The following KIF15 variants were observed in gnomAD, a reference collection of about 807,000 sequenced individuals.
KIF15 encodes kinesin-like protein KIF15.
KIF15 carries 140 observed loss-of-function variants against 190.6 expected under a neutral mutation model. The ratio of observed to expected loss-of-function variants is 0.73; its 90% CI spans 0.64 to 0.84. The LOEUF (loss-of-function observed/expected upper bound fraction) is 0.84. KIF15 is among the 40% of genes least tolerant of loss of function. The pLI is 0.00. For synonymous variants in KIF15, 528 were observed against 551.3 expected, an observed-to-expected ratio of 0.96 and a Z score of 0.59; for missense variants, 1,372 against 1,584.4, an observed-to-expected ratio of 0.87 and a Z score of 2.28.
At chr3:44,868,037 G>C (rs571817931) in intron 6 of KIF15, among the ~76,000 whole-genome samples, 1 of 152,012 alleles carries the variant, frequency 6.6e-6, no homozygotes. Flanking sequence ...CAAAGTTTTC[G>C]ACCATTACCG....
At chr3:44,773,483 T>G (rs1705733006) in intron 1 of KIF15, among the ~76,000 whole-genome samples, 1 of 152,152 alleles carries the variant, frequency 6.6e-6, no homozygotes, top group Non-Finnish European at 1.5e-5. Context: ...CTGTCCATCC[T>G]ACGCATGAGC....
intron 6 of KIF15, chr3:44,861,829 T>C: frequency 1.5e-6 from 2 of 1,338,450 alleles, no homozygotes; most frequent in Non-Finnish European, 2.0e-6. Flanking sequence ...GAGCGTGGCG[T>C]CACAGGAGCG....
At chr3:44,785,014 T>TAC in intron 6 of KIF15, 72 bp downstream of exon 6, 4 of 739,740 alleles carry the variant, frequency 5.4e-6, no homozygotes, top group African/African-American at 1.8e-5. Context: ...GATAATTAGC[T>TAC]CATGATACAT....
rs1361769175 is a variant in KIF15 at position 44,848,058 on chromosome 3, G to C, written c.3768+1G>C. Reference sequence around the variant, plus strand: ...AAGTATCAAAGAAAGACTTGCAAAAGTAAGATTTTTTTTTATGTAATAGTT... The same window carrying C: ...AAGTATCAAAGAAAGACTTGCAAAACTAAGATTTTTTTTTATGTAATAGTT... On this transcript the variant is annotated splice_donor_variant, in intron 31 of 34. Transcript: ENST00000326047. LOFTEE classifies it high-confidence loss of function. 1.3e-6 allele frequency: 2 copies of C among 1,585,228 alleles called. No homozygotes were observed. The highest frequency in any genetic ancestry group is 1.7e-6 in the Non-Finnish European group (2 of 1,156,274).
rs146570231 is a variant in KIF15, at chr3:44,851,228, C to G, written c.3807-559C>G. On this transcript the variant is annotated intron_variant, in intron 32 of 34. Coordinates refer to ENST00000326047, the MANE Select transcript of KIF15 (RefSeq NM_020242.3). Reference sequence around the variant, plus strand: ...CTGCAGTGAGCTATGATGGTGCCAGCGTACTCTAGCCTGGGCAGCAGAGTG... The same window carrying G: ...CTGCAGTGAGCTATGATGGTGCCAGGGTACTCTAGCCTGGGCAGCAGAGTG... 3.4e-3 allele frequency among the ~76,000 whole-genome samples: 515 copies of G among 152,204 alleles called. 3 individuals carry two copies. The highest frequency in any genetic ancestry group is 6.2e-3 in the Admixed American group (94 of 15,284).
chr3:44,831,063 G>T (rs1284926643), intron 26 of KIF15, 45 bp downstream of exon 26: 1 of 1,585,982 alleles, frequency 6.3e-7, no homozygotes, highest in South Asian at 1.1e-5. Flanking sequence ...CTTATTACTT[G>T]TCAATATGTG....
rs113278139 is a variant in KIF15, at chr3:44,775,566, CT to C, written c.246+130del. On this transcript the variant is annotated intron_variant, in intron 3 of 34. Coordinates refer to ENST00000326047, the MANE Select transcript of KIF15 (RefSeq NM_020242.3). ...TGCCTCCCGGGTTCAAGTGATTCTC[CT>C]GCCTCAGCCTCCCGAGTAGCTAGGA... 753 of 612,002 alleles carry C rather than the reference CT, an allele frequency of 1.2e-3. 5 individuals carry two copies. The highest frequency in any genetic ancestry group is 0.012 in the African/African-American group (666 of 54,262). The allele number at this position is 612,002 out of a possible 1,614,324, so 37.9% of individuals were successfully genotyped here.
rs144390987 is a variant in KIF15, at chr3:44,763,549, C to A, written c.19+1665C>A. ...TCTCCTGACCTCGTGATTTGCCCAC[C>A]TTGGCCTCCCAAAGTGCTGGGATTA... On this transcript the variant is annotated intron_variant, in intron 1 of 34. Transcript: ENST00000326047. Among the ~76,000 whole-genome samples, 857 of 152,246 alleles carry A rather than the reference C, an allele frequency of 5.6e-3. 3 individuals carry two copies. The highest frequency in any genetic ancestry group is 0.02 in the Middle Eastern group (6 of 294).
At chr3:44,861,390 C>G (rs1699242880) in intron 6 of KIF15, among the ~76,000 whole-genome samples, 1 of 152,270 alleles carries the variant, frequency 6.6e-6, no homozygotes, top group Admixed American at 6.5e-5. Context: ...CATCGCAGAT[C>G]CTCATTTTTT....
intron 6 of KIF15, among the ~76,000 whole-genome samples, chr3:44,859,239 T>C (rs1699216121): frequency 6.6e-6 from 1 of 152,238 alleles, no homozygotes; most frequent in African/African-American, 2.4e-5. Context: ...CTGGGGTTTC[T>C]CTCACAGTGG....
downstream of KIF15, among the ~76,000 whole-genome samples, chr3:44,854,299 C>T (rs868479727): frequency 1.3e-5 from 2 of 151,212 alleles, no homozygotes. Flanking sequence ...GCACAAGAAT[C>T]GCTTGAACCC....
intron 16 of KIF15, among the ~76,000 whole-genome samples, chr3:44,808,615 A>T (rs1707631950): frequency 6.6e-6 from 1 of 151,316 alleles, no homozygotes; most frequent in Non-Finnish European, 1.5e-5. Flanking sequence ...TTTTTAAAAA[A>T]AAACGGTCAT....
rs557452887 is a variant in KIF15 at position 44,785,958 on chromosome 3, C to T, written c.460-437C>T. Among the ~76,000 whole-genome samples, 54 of 152,292 alleles carry T rather than the reference C, an allele frequency of 3.5e-4. No homozygotes were observed. In the South Asian group the frequency reaches 5.6e-3, roughly 16 times the overall value. ...GTTATCAGCTGAGCACGGTGGCTCA[C>T]GCCTGTAATCCCAGCACTTTGGGAG... On this transcript the variant is annotated intron_variant, in intron 6 of 34. Coordinates refer to ENST00000326047, the MANE Select transcript of KIF15 (RefSeq NM_020242.3).
At chr3:44,773,601 T>G (rs1253387128) in intron 1 of KIF15, among the ~76,000 whole-genome samples, 3 of 152,158 alleles carry the variant, frequency 2.0e-5, no homozygotes, top group Admixed American at 6.5e-5. Flanking sequence ...AAGGCTGGGT[T>G]GGAATGAGGC....
At chr3:44,781,012 A>G in intron 5 of KIF15, 90 bp downstream of exon 5, 6 of 952,624 alleles carry the variant, frequency 6.3e-6, no homozygotes, top group Non-Finnish European at 9.8e-6. Flanking sequence ...TAATTTCTAT[A>G]TATGATGTTG....
Position 44,826,496 on chromosome 3 carries a change from A to C in KIF15, c.2786+36A>C, listed in dbSNP as rs754724934. The C allele has an allele frequency of 6.9e-6, 9 of 1,303,750 alleles. No homozygotes were observed. In the East Asian group the frequency reaches 2.1e-4, roughly 30 times the overall value. The allele number at this position is 1,303,750 out of a possible 1,614,324, so 80.8% of individuals were successfully genotyped here. A position where few individuals can be genotyped will look rare whatever the true frequency, so the allele number is the denominator to read the frequency against. ...TTTATTTTTTCTACTAGCATACTAGAATATTGTTTAATACCACATTCTTAA... is the reference window on the plus strand; with the variant it reads ...TTTATTTTTTCTACTAGCATACTAGCATATTGTTTAATACCACATTCTTAA... On this transcript the variant is annotated intron_variant, in intron 22 of 34. Coordinates refer to ENST00000326047, the MANE Select transcript of KIF15 (RefSeq NM_020242.3).
intron 6 of KIF15, among the ~76,000 whole-genome samples, chr3:44,861,581 C>T (rs1699245974): frequency 6.6e-6 from 1 of 152,118 alleles, no homozygotes; most frequent in Admixed American, 6.5e-5. Flanking sequence ...CGTTAGGCAT[C>T]TTTAATAAGT....
chr3:44,829,091 C>T (rs1462596302), intron 24 of KIF15, among the ~76,000 whole-genome samples: 2 of 151,812 alleles, frequency 1.3e-5, no homozygotes, highest in African/African-American at 4.8e-5. Flanking sequence ...GGCGCAGTGG[C>T]TCATGTCTGT....
intron 6 of KIF15, chr3:44,864,925 G>C (rs1234965685): frequency 1.4e-6 from 2 of 1,400,032 alleles, no homozygotes; most frequent in African/African-American, 2.8e-5. Context: ...CAAGCCCAAG[G>C]CTTCTGGCTC....
Sources: allele counts gnomAD v4.1 joint callset (sites outside exome capture counted in the v4.1 genomes callset), GRCh38; gene constraint gnomAD v4.1.1; transcripts MANE v1.5; gene names NCBI Gene and HGNC (gene_info 2026-07-23, HGNC 2026-07-21).